Variants in TNK2 observed in about 807,000 individuals in gnomAD.
TNK2 encodes the protein activated CDC42 kinase 1.
TNK2 carries 83 observed loss-of-function variants against 101.8 expected under a neutral mutation model. The ratio of observed to expected loss-of-function variants is 0.82; its 90% CI spans 0.68 to 0.98. The LOEUF (loss-of-function observed/expected upper bound fraction) is 0.98, where lower values mean the gene tolerates loss of function less well. Ranked by LOEUF, TNK2 falls within the 50% of genes least tolerant of loss-of-function variation. TNK2 has a pLI of 0.00. For missense variants in TNK2, 1,665 were observed against 1,483.2 expected (o/e 1.12, Z -2.01); for synonymous variants, 804 against 633.0 (o/e 1.27, Z -4.06).
intron 10 of TNK2, among the ~76,000 whole-genome samples, 199 bp downstream of exon 10, chr3:195,872,077 A>G (rs113028562): frequency 0.096 from 13,046 of 135,406 alleles, 1,241 homozygotes; most frequent in Non-Finnish European, 0.12. Context: ...ATTCCCCTGG[A>G]GAACCCCCAC....
rs1452694361 is a variant in TNK2, at chr3:195,874,598, C to G, written c.1257-2128G>C. On this transcript the variant is annotated intron_variant, in intron 9 of 15. Coordinates refer to ENST00000672887, the MANE Select transcript of TNK2 (RefSeq NM_001382273.1). ...AGAAGCTCCCCCTCGGGATGGCGCC[C>G]ACGCACACTCCGAGGCACAAGAAGC... 4.4e-5 allele frequency among the ~76,000 whole-genome samples: 4 copies of G among 90,980 alleles called. No individual in the cohort carries two copies. The East Asian group carries it at 1.2e-3, about 26-fold the overall frequency. The allele number at this position is 90,980 out of a possible 152,430, so 59.7% of individuals were successfully genotyped here.
rs1390283203 is a variant in TNK2 at position 195,886,849 on chromosome 3, G to A, written c.234+128C>T. The A allele has an allele frequency of 9.6e-7, 1 of 1,036,850 alleles. No individual in the cohort carries two copies. Among genetic ancestry groups the A allele is most frequent in the South Asian group, 1.3e-5 (1 of 76,310 alleles). The allele number at this position is 1,036,850 out of a possible 1,614,324, so 64.2% of individuals were successfully genotyped here. Reference sequence around the variant, plus strand: ...ATAAGACCCTGGACGAGGGGGTCCTGTACAAAGTGCCGGCAGAACGGCGAG... The same window carrying A: ...ATAAGACCCTGGACGAGGGGGTCCTATACAAAGTGCCGGCAGAACGGCGAG... On this transcript the variant is annotated intron_variant, in intron 3 of 15. Coordinates refer to ENST00000672887, the MANE Select transcript of TNK2 (RefSeq NM_001382273.1). This position sits in a 1 kb window ranked among gnomAD's most constrained non-coding sequence, Gnocchi z 4.2.
In TNK2 at chr3:195,872,257, A is replaced by C. The variant is rs375449737; in HGVS notation, c.1451+19T>G. The C allele has an allele frequency of 1.2e-6, 2 of 1,612,612 alleles. No individual in the cohort carries two copies. Among genetic ancestry groups the C allele is most frequent in the Non-Finnish European group, 1.7e-6 (2 of 1,179,612 alleles). The stretch of plus-strand genomic sequence containing the variant: ...CCCGAGCGGGGCCAGGTCAGCATCC[A>C]TCCCCGCCCAGTACTCACTCGTCAA... On this transcript the variant is annotated intron_variant, in intron 10 of 15. Transcript: ENST00000672887.
intron 9 of TNK2, chr3:195,876,418 A>G (rs1270936447): frequency 4.4e-6 from 2 of 456,630 alleles, no homozygotes; most frequent in Non-Finnish European, 8.8e-6. Flanking sequence ...AGACCCACAG[A>G]TGCACACCCA....
chr3:195,870,801 G>T (rs1452353247), intron 10 of TNK2, among the ~76,000 whole-genome samples: 1 of 152,268 alleles, frequency 6.6e-6, no homozygotes, highest in Non-Finnish European at 1.5e-5. Context: ...CTCTCCTGGA[G>T]GTGTCTGCAG....
chr3:195,878,104 TC>T lies in TNK2; in HGVS notation c.1256+148del, dbSNP rs1159398807. 1.3e-6 allele frequency: 1 copy of T among 754,642 alleles called. No homozygotes were observed. The highest frequency in any genetic ancestry group is 2.2e-6 in the Non-Finnish European group (1 of 445,924). The allele number at this position is 754,642 out of a possible 1,614,324, so 46.7% of individuals were successfully genotyped here. On this transcript the variant is annotated intron_variant, in intron 9 of 15. Coordinates refer to ENST00000672887, the MANE Select transcript of TNK2 (RefSeq NM_001382273.1). The surrounding 1 kb of genome is among the most constrained non-coding windows in gnomAD (Gnocchi z 4.7). ...CACTAGGAAGACGGAGGCAGGCCTG[TC>T]CTCCCCTCACACTGCAGGGTTCAGG...
At chr3:195,897,834 C>T (rs1760800883) in intron 1 of TNK2, among the ~76,000 whole-genome samples, 1 of 136,864 alleles carries the variant, frequency 7.3e-6, no homozygotes, top group Admixed American at 7.2e-5. Flanking sequence ...CCCCCACCCC[C>T]CGCCCCCAGC....
rs202207271 is a variant in TNK2, at chr3:195,868,606, C to T, written c.1692G>A (p.Ala564=). 221 of 1,583,070 alleles carry T rather than the reference C, an allele frequency of 1.4e-4. 1 individual carries two copies. The East Asian group carries it at 3.2e-3, about 23-fold the overall frequency. ...KPGLPRGLWL[A]KPSARVPGTK... ...TGCCCGGCACCCGCGCCGAGGGCTT[C>T]GCCAGCCACAGCCCTCGGGGCAGGC... Residue 564 remains alanine (A), a synonymous_variant, in exon 13 of 16, where the codon GCG becomes GCA. Coordinates refer to ENST00000672887, the MANE Select transcript of TNK2 (RefSeq NM_001382273.1).
intron 6 of TNK2, chr3:195,879,417 G>A (rs1377584376): frequency 6.6e-6 from 3 of 451,608 alleles, no homozygotes; most frequent in Admixed American, 7.4e-5. Flanking sequence ...AAGAGGAAAG[G>A]AAGTTTCCCA....
At position 195,869,536 on chromosome 3, in the gene TNK2, G is replaced by T; in HGVS notation, c.1549C>A (p.Pro517Thr). The T allele has an allele frequency of 6.4e-7, 1 of 1,551,170 alleles. No homozygotes were observed. The highest frequency in any genetic ancestry group is 8.7e-7 in the Non-Finnish European group (1 of 1,146,992). ...PQHLGGVKRE[P>T]PPRPPQPAFF... ...GCAGGCTGAGGTGGGCGAGGTGGAG[G>T]CTCCCCTGCAAGAAAGGCCATGCGG... is the stretch of plus-strand genomic sequence containing the variant. Residue 517 changes from proline (P) to threonine (T), a missense_variant, in exon 12 of 16, where the codon CCT (proline) becomes ACT (threonine). Around this residue, in one of 3 missense-constraint regions of TNK2, gnomAD observed 1,136 missense variants for 894.9 expected, o/e 1.27. Transcript: ENST00000672887.
In TNK2 at chr3:195,868,342, G is replaced by C. The variant is rs537157165; in HGVS notation, c.1956C>G (p.Asp652Glu). Residue 652 changes from aspartate to glutamate, a missense_variant, in exon 13 of 16, where the codon GAC becomes GAG. Around this residue, in one of 3 missense-constraint regions of TNK2, gnomAD observed 1,136 missense variants for 894.9 expected, o/e 1.27. Coordinates refer to ENST00000672887, the MANE Select transcript of TNK2 (RefSeq NM_001382273.1). ...CAAAGTCATCCTCATCCTGGGCCAC[G>C]TCGTCATAGGCGGGCGGGGGGGGCA... ...RPLPPPPAYD[D>E]VAQDEDDFEI... The C allele has an allele frequency of 1.2e-6, 2 of 1,601,370 alleles. No homozygotes were observed.
intron 10 of TNK2, 117 bp downstream of exon 10, chr3:195,872,159 C>CGG (rs1745913785): frequency 8.4e-7 from 1 of 1,197,428 alleles, no homozygotes; most frequent in African/African-American, 1.5e-5. Flanking sequence ...AGTGGCGGGT[C>CGG]GGGGGCTGAA....
intron 10 of TNK2, chr3:195,870,518 A>T: frequency 1.4e-6 from 1 of 735,758 alleles, no homozygotes; most frequent in Non-Finnish European, 1.9e-6. Flanking sequence ...CAGCGGCCAG[A>T]GGGCAGACAC....
Position 195,893,652 on chromosome 3 carries a change from G to A in TNK2, c.-18-5046C>T, listed in dbSNP as rs115716054. ...GCTGCTCTTACACCCCCCTCGCTAC[G>A]GCCCCCAGACACACCTGACAGCTGC... On this transcript the variant is annotated intron_variant, in intron 1 of 15. Coordinates refer to ENST00000672887, the MANE Select transcript of TNK2 (RefSeq NM_001382273.1). Among the ~76,000 whole-genome samples the A allele has an allele frequency of 1.7e-4, 26 of 151,878 alleles. No individual in the cohort carries two copies. In the East Asian group the frequency reaches 2.9e-3, roughly 17 times the overall value.
intron 1 of TNK2, among the ~76,000 whole-genome samples, chr3:195,901,006 C>A (rs1402886550): frequency 1.3e-5 from 2 of 152,206 alleles, no homozygotes; most frequent in Non-Finnish European, 2.9e-5. Flanking sequence ...GGGAAGTGAA[C>A]ATTCAGTCTA....
At chr3:195,865,931 C>A (rs138574167) in intron 15 of TNK2, among the ~76,000 whole-genome samples, 1 of 152,206 alleles carries the variant, frequency 6.6e-6, no homozygotes, top group South Asian at 2.1e-4. Context: ...AACTCCGCAC[C>A]GTGCACAGGG....
Position 195,883,217 on chromosome 3 carries a change from C to A in TNK2, c.549G>T (p.Ser183=), listed in dbSNP as rs1398115359. 2.5e-6 allele frequency: 4 copies of A among 1,611,270 alleles called. No homozygotes were observed. Among genetic ancestry groups the A allele is most frequent in the Non-Finnish European group, 3.4e-6 (4 of 1,179,894 alleles). The change falls in exon 5 of 16, where the codon TCG becomes TCT. Residue 183 remains serine (S), a synonymous_variant. Coordinates refer to ENST00000672887, the MANE Select transcript of TNK2 (RefSeq NM_001382273.1). ...DFIREVNAMH[S]LDHRNLIRLY... is the part of the protein sequence containing the mutation. ...GGCGGATGAGGTTTCGGTGGTCGAG[C>A]GAGTGCATGGCATTGACCTCCCGGA... is the stretch of plus-strand genomic sequence containing the variant.
chr3:195,888,838 A>T lies in TNK2; in HGVS notation c.-18-232T>A, dbSNP rs2149686726. ...ATACAGCCCTGGCCCTGGAGTCAGG[A>T]GTCAGGGTCTTGCTCCCGAAATGTG... On this transcript the variant is annotated intron_variant, in intron 1 of 15. Coordinates refer to ENST00000672887, the MANE Select transcript of TNK2 (RefSeq NM_001382273.1). This position sits in a 1 kb window ranked among gnomAD's most constrained non-coding sequence, Gnocchi z 5.3. Among the ~76,000 whole-genome samples, 1 of 152,190 alleles carries T rather than the reference A, an allele frequency of 6.6e-6. No homozygotes were observed. The highest frequency in any genetic ancestry group is 1.9e-4 in the East Asian group (1 of 5,172).
At chr3:195,902,795 A>G (rs1761348219) in intron 1 of TNK2, among the ~76,000 whole-genome samples, 1 of 151,754 alleles carries the variant, frequency 6.6e-6, no homozygotes, top group African/African-American at 2.4e-5. Flanking sequence ...TGTCACCCAG[A>G]CTGGAGTGCA....
Sources: gnomAD v4.1 joint callset for allele counts (sites outside exome capture counted in the v4.1 genomes callset) on GRCh38, gnomAD v4.1.1 for gene constraint, gnomAD v4.1.1 regional missense constraint, Gnocchi (gnomAD v3.1) non-coding constraint, MANE v1.5 for transcripts, NCBI Gene and HGNC (gene_info 2026-07-23, HGNC 2026-07-21) for gene names.